Variants in OAS1 observed in about 807,000 individuals in gnomAD.
The protein encoded by OAS1 is 2'-5'-oligoadenylate synthetase 1.
Under a neutral mutation model 38.5 loss-of-function variants are expected in OAS1, and 24 were observed. The observed-to-expected ratio is 0.62, with a 90% CI of 0.45 to 0.88. The LOEUF is 0.88. Among genes scored for constraint, OAS1 ranks in the 40% least tolerant of loss-of-function variants. The pLI is 0.00. For synonymous variants in OAS1, 169 were observed against 193.9 expected, an observed-to-expected ratio of 0.87 and a Z score of 1.07; for missense variants, 482 against 493.9, an observed-to-expected ratio of 0.98 and a Z score of 0.23.
At chr12:112,907,303 A>AGAGAGAG in intron 1 of OAS1, 84 bp downstream of exon 1, 2 of 1,378,076 alleles carry the variant, frequency 1.5e-6, no homozygotes, top group Non-Finnish European at 2.0e-6. Context: ...AGAGAGAGAG[A>AGAGAGAG]AGCAAAAACC....
downstream of OAS1, among the ~76,000 whole-genome samples, chr12:112,922,370 A>T (rs1427164903): frequency 6.6e-6 from 1 of 152,056 alleles, no homozygotes; most frequent in Non-Finnish European, 1.5e-5. Flanking sequence ...GATTTCTTCT[A>T]ATGGTATAAA....
chr12:112,920,423 TTTAA>T (rs2043522016), downstream of OAS1, among the ~76,000 whole-genome samples: 3 of 152,392 alleles, frequency 2.0e-5, no homozygotes, highest in Non-Finnish European at 2.9e-5. Flanking sequence ...TGATAATTTT[TTTAA>T]TTGTGTGCTG....
intron 3 of OAS1, among the ~76,000 whole-genome samples, chr12:112,914,102 C>T (rs191046081): frequency 5.9e-5 from 9 of 152,300 alleles, no homozygotes; most frequent in African/African-American, 9.6e-5. Flanking sequence ...ACCCTTTCCC[C>T]GCAGTCCGCA....
downstream of OAS1, among the ~76,000 whole-genome samples, chr12:112,921,572 A>C (rs1418780551): frequency 6.6e-6 from 1 of 152,178 alleles, no homozygotes; most frequent in Non-Finnish European, 1.5e-5. Flanking sequence ...CTTACTCCAG[A>C]GTCCTGGAGG....
chr12:112,928,308 T>C (rs979699186), intron 6 of OAS1, among the ~76,000 whole-genome samples: 12 of 152,262 alleles, frequency 7.9e-5, no homozygotes, highest in Non-Finnish European at 1.5e-4. Flanking sequence ...GGTTGCCTTC[T>C]GCTCTCTCTG....
chr12:112,918,583 T>C (rs1012140396), intron 5 of OAS1: 3 of 447,122 alleles, frequency 6.7e-6, no homozygotes, highest in African/African-American at 6.0e-5. Flanking sequence ...TTTTCTATCA[T>C]TCCCATCTTA....
In OAS1 at chr12:112,919,422, G is replaced by A. The variant is rs771818638; in HGVS notation, c.1072G>A (p.Asp358Asn). ...ESNSADDETD[D>N]PRRYQKYGYI... ...CAACAGTGCAGACGATGAGACCGACGATCCCAGGAGGTATCAGAAATATGG... is the reference window on the plus strand; with the variant it reads ...CAACAGTGCAGACGATGAGACCGACAATCCCAGGAGGTATCAGAAATATGG... The change falls in exon 6 of 6, where the codon GAT becomes AAT. Residue 358 changes from aspartate to asparagine, a missense_variant. Transcript: ENST00000202917. 8.1e-6 allele frequency: 13 copies of A among 1,614,016 alleles called. No homozygotes were observed. Among genetic ancestry groups the A allele is most frequent in the East Asian group, 2.2e-5 (1 of 44,872 alleles).
rs2136295366 is a variant in OAS1 at position 112,908,614 on chromosome 12, A to G, written c.259A>G (p.Thr87Ala). ...GGTTGTCTTCCTCAGTCCTCTCACCACTTTTCAGGATCAGTTAAATCGCCG... is the reference window on the plus strand; with the variant it reads ...GGTTGTCTTCCTCAGTCCTCTCACCGCTTTTCAGGATCAGTTAAATCGCCG... The part of the protein sequence containing the change: ...DLVVFLSPLT[T>A]FQDQLNRRGE... Residue 87 changes from threonine (T) to alanine (A), a missense_variant, in exon 2 of 6, where the codon ACT becomes GCT. Transcript: ENST00000202917. 6.2e-7 allele frequency: 1 copy of G among 1,614,136 alleles called. No individual in the cohort carries two copies. The highest frequency in any genetic ancestry group is 2.2e-5 in the East Asian group (1 of 44,874).
intron 3 of OAS1, among the ~76,000 whole-genome samples, chr12:112,915,109 G>A (rs190048441): frequency 2.0e-5 from 3 of 152,190 alleles, no homozygotes; most frequent in Admixed American, 1.3e-4. Context: ...CTTTGCAGAA[G>A]CTTTTTAGTT....
intron 6 of OAS1, among the ~76,000 whole-genome samples, chr12:112,928,097 G>T (rs2043571792): frequency 6.6e-6 from 1 of 152,172 alleles, no homozygotes; most frequent in African/African-American, 2.4e-5. Context: ...TTTAGTGTTT[G>T]CAGGAAGGTC....
downstream of OAS1, among the ~76,000 whole-genome samples, chr12:112,921,735 C>T (rs57666123): frequency 3.9e-5 from 6 of 152,244 alleles, no homozygotes; most frequent in Admixed American, 2.0e-4. Context: ...AGCTGCAGAG[C>T]CCTTTAGGAC....
rs771818613 is a variant in OAS1, at chr12:112,911,049, A to G, written c.470-2A>G. The G allele has an allele frequency of 1.2e-5, 20 of 1,612,658 alleles. No individual in the cohort carries two copies. The highest frequency in any genetic ancestry group is 1.5e-5 in the Non-Finnish European group (18 of 1,179,070). On this transcript the variant is annotated splice_acceptor_variant, in intron 2 of 5. Coordinates refer to ENST00000202917, the MANE Select transcript of OAS1 (RefSeq NM_016816.4). LOFTEE classifies it high-confidence loss of function. ...CCTAAGTTGTAGATTTTGCCCGAAC[A>G]GGTCAGTTGACTGGCGGCTATAAAC...
intron 2 of OAS1, among the ~76,000 whole-genome samples, chr12:112,910,168 G>A (rs2043355738): frequency 6.6e-6 from 1 of 152,158 alleles, no homozygotes; most frequent in Non-Finnish European, 1.5e-5. Flanking sequence ...AGGAATTCAA[G>A]ACCAGCCTGG....
intron 6 of OAS1, among the ~76,000 whole-genome samples, chr12:112,925,620 C>G (rs2043553538): frequency 6.6e-6 from 1 of 151,986 alleles, no homozygotes; most frequent in Non-Finnish European, 1.5e-5. Flanking sequence ...GACCCTGTCT[C>G]TATAAAAATA....
chr12:112,916,097 A>G (rs2043450203), intron 3 of OAS1, among the ~76,000 whole-genome samples: 1 of 152,214 alleles, frequency 6.6e-6, no homozygotes, highest in South Asian at 2.1e-4. Context: ...TTTTCGTAGT[A>G]TCTTTATCAG....
chr12:112,929,774 A>G (rs1041856286), intron 6 of OAS1, among the ~76,000 whole-genome samples: 2 of 152,152 alleles, frequency 1.3e-5, no homozygotes, highest in Non-Finnish European at 2.9e-5. Context: ...AAGGTGGAAG[A>G]AGGCAAGGGG....
Position 112,917,788 on chromosome 12 carries a change from G to T in OAS1, c.1038+88G>T, listed in dbSNP as rs2043484183. On this transcript the variant is annotated intron_variant, in intron 5 of 5. Coordinates refer to ENST00000202917, the MANE Select transcript of OAS1 (RefSeq NM_016816.4). ...ATAGCTGGAGACCATTCTTTCCAAAGAACTTACCTCTTGCCAAAGGCCATT... is the reference window on the plus strand; with the variant it reads ...ATAGCTGGAGACCATTCTTTCCAAATAACTTACCTCTTGCCAAAGGCCATT... 3 of 1,613,644 alleles carry T rather than the reference G, an allele frequency of 1.9e-6. 1 individual carries two copies. In the South Asian group the frequency reaches 3.3e-5, roughly 18 times the overall value.
chr12:112,926,140 T>A (rs1349882953), intron 6 of OAS1, among the ~76,000 whole-genome samples: 2 of 152,146 alleles, frequency 1.3e-5, no homozygotes, highest in Admixed American at 1.3e-4. Context: ...AGAGGGCCAA[T>A]AAATCTGATG....
chr12:112,925,256 T>C (rs1251376194), intron 6 of OAS1, among the ~76,000 whole-genome samples: 1 of 152,080 alleles, frequency 6.6e-6, no homozygotes, highest in Non-Finnish European at 1.5e-5. Context: ...TGTACTGCTG[T>C]CTTTGAGGCC....
Sources: allele counts gnomAD v4.1 joint callset (sites outside exome capture counted in the v4.1 genomes callset), GRCh38; gene constraint gnomAD v4.1.1; transcripts MANE v1.5; gene names NCBI Gene and HGNC (gene_info 2026-07-23, HGNC 2026-07-21).